LRRC4C: variants seen among roughly 807,000 people sequenced by gnomAD.
LRRC4C encodes leucine-rich repeat-containing protein 4C.
LRRC4C carries 5 observed loss-of-function variants against 33.6 expected under a neutral mutation model. The ratio of observed to expected loss-of-function variants is 0.15; its 90% confidence interval spans 0.08 to 0.31. The LOEUF is 0.31. LRRC4C is among the 10% of genes least tolerant of loss of function. The pLI, the probability that LRRC4C is intolerant of heterozygous loss-of-function variation, is 1.00. For missense variants in LRRC4C, 560 were observed against 796.7 expected (o/e 0.70, Z 3.58); for synonymous variants, 329 against 302.0 (o/e 1.09, Z -0.93).
intron 1 of LRRC4C, among the ~76,000 whole-genome samples, chr11:41,040,250 T>C (rs1431493044): frequency 6.6e-6 from 1 of 152,036 alleles, no homozygotes; most frequent in Non-Finnish European, 1.5e-5. Flanking sequence ...AATTCTTCAC[T>C]GTGTATGTGT....
At chr11:40,915,565 A>C (rs965450154) in intron 2 of LRRC4C, among the ~76,000 whole-genome samples, 2 of 152,240 alleles carry the variant, frequency 1.3e-5, no homozygotes, top group African/African-American at 2.4e-5. Flanking sequence ...TTAAAGACTT[A>C]AATGTTAGAC....
chr11:40,337,679 T>C (rs567037775), intron 3 of LRRC4C, among the ~76,000 whole-genome samples: 4 of 152,190 alleles, frequency 2.6e-5, no homozygotes, highest in Non-Finnish European at 5.9e-5. Context: ...CCATCATTCT[T>C]TCCAACATTT....
intron 2 of LRRC4C, among the ~76,000 whole-genome samples, chr11:40,650,750 TATTTA>T (rs930568448): frequency 6.6e-6 from 1 of 152,208 alleles, no homozygotes; most frequent in African/African-American, 2.4e-5. Context: ...CTATATTACT[TATTTA>T]ATTTAACACT....
intron 1 of LRRC4C, among the ~76,000 whole-genome samples, chr11:41,087,362 C>T (rs1377338707): frequency 1.3e-5 from 2 of 152,124 alleles, no homozygotes; most frequent in Non-Finnish European, 2.9e-5. Context: ...CCCTACCCAG[C>T]TCCACCAAAC....
At chr11:40,509,211 G>A (rs1955185094) in intron 3 of LRRC4C, among the ~76,000 whole-genome samples, 1 of 152,118 alleles carries the variant, frequency 6.6e-6, no homozygotes, top group African/African-American at 2.4e-5. Context: ...AATTCTGCAG[G>A]AAATCAGAAA....
Position 40,715,850 on chromosome 11 carries a change from C to A in LRRC4C, c.-406-67572G>T, listed in dbSNP as rs1367062596. On this transcript the variant is annotated intron_variant, in intron 2 of 6. Coordinates refer to ENST00000528697, the MANE Select transcript of LRRC4C (RefSeq NM_001258419.2). ...GATCAGCCTAGCCAAAGTGGTGAAA[C>A]CCTATCTCTAGTAAAAATATAAAAA... is the stretch of plus-strand genomic sequence containing the variant. Among the ~76,000 whole-genome samples, 6 of 152,188 alleles carry A rather than the reference C, an allele frequency of 3.9e-5. 1 individual carries two copies. In the South Asian group the frequency reaches 1.0e-3, roughly 26 times the overall value.
At chr11:40,899,975 A>G (rs1441530124) in intron 2 of LRRC4C, among the ~76,000 whole-genome samples, 1 of 152,130 alleles carries the variant, frequency 6.6e-6, no homozygotes, top group East Asian at 1.9e-4. Flanking sequence ...CTGTACCCCA[A>G]TAGTCTTTTG....
At chr11:40,971,044 G>A (rs1851692796) in intron 1 of LRRC4C, among the ~76,000 whole-genome samples, 1 of 152,174 alleles carries the variant, frequency 6.6e-6, no homozygotes, top group South Asian at 2.1e-4. Flanking sequence ...GGGAAGTAGA[G>A]TGTCAAAGTT....
At chr11:40,457,565 A>T (rs1299480663) in intron 3 of LRRC4C, among the ~76,000 whole-genome samples, 1 of 152,100 alleles carries the variant, frequency 6.6e-6, no homozygotes, top group Non-Finnish European at 1.5e-5. Flanking sequence ...TCCCATGTTT[A>T]TTCTCCTAGG....
chr11:41,242,266 G>A (rs1948282076), intron 1 of LRRC4C, among the ~76,000 whole-genome samples: 1 of 151,730 alleles, frequency 6.6e-6, no homozygotes, highest in Admixed American at 6.6e-5. Flanking sequence ...TATCTCCAGG[G>A]GACAACCACG....
chr11:41,007,145 A>G (rs1019538689), intron 1 of LRRC4C, among the ~76,000 whole-genome samples: 7 of 152,174 alleles, frequency 4.6e-5, no homozygotes, highest in African/African-American at 1.7e-4. Context: ...AAAAAATGCA[A>G]AAGTTCAAAA....
chr11:40,990,975 A>G (rs528896735), intron 1 of LRRC4C, among the ~76,000 whole-genome samples: 1 of 152,080 alleles, frequency 6.6e-6, no homozygotes. Flanking sequence ...TTTTTTATGG[A>G]ATACAATTTT....
chr11:41,149,147 G>C (rs1400801487), intron 1 of LRRC4C, among the ~76,000 whole-genome samples: 1 of 152,106 alleles, frequency 6.6e-6, no homozygotes, highest in Non-Finnish European at 1.5e-5. Flanking sequence ...ACTATAATAT[G>C]CTTTTAGTGC....
At chr11:40,740,926 G>A (rs1010987158) in intron 2 of LRRC4C, among the ~76,000 whole-genome samples, 1 of 151,926 alleles carries the variant, frequency 6.6e-6, no homozygotes, top group Non-Finnish European at 1.5e-5. Flanking sequence ...AAGACCATTT[G>A]ACTGTAAAAG....
intron 2 of LRRC4C, among the ~76,000 whole-genome samples, chr11:40,888,126 C>A (rs1000947297): frequency 6.6e-6 from 1 of 151,872 alleles, no homozygotes; most frequent in East Asian, 1.9e-4. Context: ...TAGCTTAAAA[C>A]CCTGGTATTT....
chr11:41,294,986 C>T (rs4384372), intron 1 of LRRC4C, among the ~76,000 whole-genome samples: 2,392 of 152,204 alleles, frequency 0.016, 68 homozygotes, highest in African/African-American at 0.054. Context: ...TAATGTAACA[C>T]TGAATTGCTG....
chr11:40,763,106 T>TACACACACA (rs1949301502), intron 2 of LRRC4C, among the ~76,000 whole-genome samples: 3 of 148,002 alleles, frequency 2.0e-5, no homozygotes, highest in East Asian at 4.3e-4. Context: ...TATATATATA[T>TACACACACA]TTATGTATGT....
intron 1 of LRRC4C, among the ~76,000 whole-genome samples, chr11:40,976,565 C>A (rs951476900): frequency 2.0e-5 from 3 of 152,158 alleles, no homozygotes; most frequent in African/African-American, 4.8e-5. Flanking sequence ...AGGCACTAAC[C>A]AAACTAGTGA....
chr11:40,762,076 C>G (rs1057437361), intron 2 of LRRC4C, among the ~76,000 whole-genome samples: 2 of 152,074 alleles, frequency 1.3e-5, no homozygotes, highest in Admixed American at 6.6e-5. Flanking sequence ...GGACATTTTC[C>G]AAGGGATTGT....
Sources: gnomAD v4.1 joint callset for allele counts (sites outside exome capture counted in the v4.1 genomes callset) on GRCh38, gnomAD v4.1.1 for gene constraint, MANE v1.5 for transcripts, NCBI Gene and HGNC (gene_info 2026-07-23, HGNC 2026-07-21) for gene names.